DTNB: variants seen among roughly 807,000 people sequenced by gnomAD.
DTNB encodes DTN-B.
In DTNB, 63 loss-of-function variants were observed where a neutral mutation model predicts 90.7. The observed-to-expected ratio is 0.69, with a 90% CI of 0.57 to 0.86. DTNB has a LOEUF of 0.86. DTNB is among the 40% of genes least tolerant of loss of function. The pLI is 0.00. For synonymous variants in DTNB, 277 were observed against 286.7 expected (o/e 0.97, Z 0.34); for missense variants, 744 against 807.1 (o/e 0.92, Z 0.95).
chr2:25,384,936 C>T (rs1455559374), intron 18 of DTNB, among the ~76,000 whole-genome samples: 1 of 151,234 alleles, frequency 6.6e-6, no homozygotes, highest in Non-Finnish European at 1.5e-5. Context: ...TGGACTACAG[C>T]GGCGCGATCT....
At chr2:25,540,594 T>C (rs1022051079) in intron 8 of DTNB, among the ~76,000 whole-genome samples, 3 of 152,060 alleles carry the variant, frequency 2.0e-5, no homozygotes, top group Admixed American at 6.6e-5. Flanking sequence ...TTTTGTAGAA[T>C]AGAAAAGGGG....
Position 25,515,100 on chromosome 2 carries a change from TAGA to T in DTNB, c.1001+16370_1001+16372del, listed in dbSNP as rs531986823. ...GCTACTGCTAAGGATTTGTTATACA[TAGA>T]AGATGACTGTGCCCTATACAGGACT... On this transcript the variant is annotated intron_variant, in intron 9 of 20. Coordinates refer to ENST00000406818, the MANE Select transcript of DTNB (RefSeq NM_021907.5). Among the ~76,000 whole-genome samples the T allele has an allele frequency of 2.1e-3, 312 of 151,984 alleles. 1 individual carries two copies. Among genetic ancestry groups the T allele is most frequent in the Non-Finnish European group, 3.7e-3 (249 of 68,000 alleles).
chr2:25,661,110 G>A (rs1377036914), intron 1 of DTNB, among the ~76,000 whole-genome samples: 1 of 152,188 alleles, frequency 6.6e-6, no homozygotes, highest in Non-Finnish European at 1.5e-5. Context: ...TGAGGTGCCT[G>A]TTTATGTCTT....
intron 8 of DTNB, among the ~76,000 whole-genome samples, chr2:25,559,241 G>A (rs1325660166): frequency 1.3e-5 from 2 of 152,102 alleles, no homozygotes; most frequent in Non-Finnish European, 2.9e-5. Context: ...TCATAGTCCA[G>A]CATCGGCAAA....
intron 11 of DTNB, among the ~76,000 whole-genome samples, chr2:25,453,908 G>C (rs941440600): frequency 2.0e-5 from 3 of 152,202 alleles, no homozygotes; most frequent in Non-Finnish European, 2.9e-5. Context: ...AGCACTTTGG[G>C]AGGCTGAGGC....
At chr2:25,420,365 A>G (rs1157451480) in intron 15 of DTNB, among the ~76,000 whole-genome samples, 1 of 150,922 alleles carries the variant, frequency 6.6e-6, no homozygotes. Context: ...CATTCAAAAA[A>G]GAATTCTTGA....
At chr2:25,554,903 C>G (rs2151138694) in intron 8 of DTNB, among the ~76,000 whole-genome samples, 1 of 151,998 alleles carries the variant, frequency 6.6e-6, no homozygotes, top group South Asian at 2.1e-4. Context: ...TACTAAACAC[C>G]AAATTTAAAA....
intron 9 of DTNB, among the ~76,000 whole-genome samples, chr2:25,518,417 T>C (rs2075535282): frequency 6.6e-6 from 1 of 152,172 alleles, no homozygotes; most frequent in South Asian, 2.1e-4. Context: ...CTGAGTTTTG[T>C]TGTATTACAT....
intron 2 of DTNB, among the ~76,000 whole-genome samples, chr2:25,645,382 AAAGT>A (rs1244342188): frequency 6.6e-6 from 1 of 152,092 alleles, no homozygotes; most frequent in African/African-American, 2.4e-5. Flanking sequence ...AAAAAAAAAG[AAAGT>A]AATAACTAAA....
intron 12 of DTNB, among the ~76,000 whole-genome samples, chr2:25,442,579 C>A (rs1371173411): frequency 6.6e-6 from 1 of 152,192 alleles, no homozygotes; most frequent in Non-Finnish European, 1.5e-5. Flanking sequence ...CATTGTAGAA[C>A]AACTCCTGCA....
At chr2:25,574,306 A>C (rs1203941476) in intron 8 of DTNB, among the ~76,000 whole-genome samples, 1 of 152,246 alleles carries the variant, frequency 6.6e-6, no homozygotes, top group Non-Finnish European at 1.5e-5. Flanking sequence ...GTGTTTAAAA[A>C]ATAAATTTTG....
chr2:25,508,829 C>T (rs966507811), intron 9 of DTNB, among the ~76,000 whole-genome samples: 3 of 152,158 alleles, frequency 2.0e-5, no homozygotes, highest in Admixed American at 6.5e-5. Context: ...CCACTGCACC[C>T]GGCCCTAAAA....
intron 10 of DTNB, among the ~76,000 whole-genome samples, chr2:25,474,995 T>C (rs2063491678): frequency 6.6e-6 from 1 of 152,198 alleles, no homozygotes; most frequent in African/African-American, 2.4e-5. Flanking sequence ...TCTCTCTCTC[T>C]CTTCTCAGGC....
chr2:25,399,118 G>A (rs983501384), intron 16 of DTNB, among the ~76,000 whole-genome samples: 1 of 152,032 alleles, frequency 6.6e-6, no homozygotes, highest in Non-Finnish European at 1.5e-5. Flanking sequence ...GCGCGATCTC[G>A]GCTCACTGCA....
intron 10 of DTNB, among the ~76,000 whole-genome samples, chr2:25,465,471 T>C (rs2061622386): frequency 6.6e-6 from 1 of 152,128 alleles, no homozygotes; most frequent in South Asian, 2.1e-4. Flanking sequence ...CCTAAAACTA[T>C]TCTATAATAA....
intron 1 of DTNB, among the ~76,000 whole-genome samples, chr2:25,668,370 A>G (rs971809488): frequency 1.3e-5 from 2 of 152,254 alleles, no homozygotes; most frequent in African/African-American, 4.8e-5. Context: ...CAAATCTATG[A>G]CATTTCCAAC....
intron 9 of DTNB, among the ~76,000 whole-genome samples, chr2:25,507,353 C>T (rs1386024115): frequency 2.0e-5 from 3 of 152,158 alleles, no homozygotes; most frequent in Admixed American, 1.3e-4. Context: ...GTTACACACC[C>T]CCACTCCAGA....
intron 4 of DTNB, among the ~76,000 whole-genome samples, chr2:25,620,239 G>T (rs892585076): frequency 6.6e-6 from 1 of 151,372 alleles, no homozygotes; most frequent in Non-Finnish European, 1.5e-5. Flanking sequence ...GGTTGGTGTG[G>T]GCAGGGAGGT....
At chr2:25,649,393 A>G (rs1245832504) in intron 2 of DTNB, among the ~76,000 whole-genome samples, 2 of 152,192 alleles carry the variant, frequency 1.3e-5, no homozygotes, top group African/African-American at 4.8e-5. Context: ...TACAAAAGGA[A>G]GAGTCAAAAT....
Sources: allele counts gnomAD v4.1 joint callset (sites outside exome capture counted in the v4.1 genomes callset), GRCh38; gene constraint gnomAD v4.1.1; transcripts MANE v1.5; gene names NCBI Gene and HGNC (gene_info 2026-07-23, HGNC 2026-07-21).